Variants in OTOG observed in about 807,000 individuals in gnomAD.
The protein encoded by OTOG is otogelin.
In OTOG, 296 loss-of-function variants were observed where a neutral mutation model predicts 313.8. The ratio of observed to expected loss-of-function variants is 0.94; its 90% CI spans 0.86 to 1.04. The LOEUF (loss-of-function observed/expected upper bound fraction) is 1.04, where lower values mean the gene tolerates loss of function less well. Ranked by LOEUF, OTOG falls within the 50% of genes least tolerant of loss-of-function variation. The pLI is 0.00. For missense variants in OTOG, 3,948 were observed against 3,840.1 expected (o/e 1.03, Z -0.74); for synonymous variants, 1,533 against 1,554.9 (o/e 0.99, Z 0.33).
Position 17,610,350 on chromosome 11 carries a change from C to T in OTOG, c.5050C>T (p.Pro1684Ser). 1 of 1,550,666 alleles carries T rather than the reference C, an allele frequency of 6.4e-7. No individual in the cohort carries two copies. ...KVISRTGVPQ[P>S]TQAQSASSPS... is the part of the protein sequence containing the mutation. ...CATAAGCAGGACAGGGGTCCCCCAG[C>T]CCACCCAGGCCCAGAGTGCTTCAAG... Residue 1684 changes from proline to serine, a missense_variant, in exon 36 of 56, where the codon CCC becomes TCC. Physicochemically the swap from Pro to Ser is moderately conservative, Grantham distance 74. Coordinates refer to ENST00000399397, the MANE Select transcript of OTOG (RefSeq NM_001292063.2).
At chr11:17,594,483 G>A (rs1157054360) in intron 28 of OTOG, among the ~76,000 whole-genome samples, 1 of 152,218 alleles carries the variant, frequency 6.6e-6, no homozygotes, top group Non-Finnish European at 1.5e-5. Flanking sequence ...CCTGGCACTA[G>A]GTCTGGCACA....
At chr11:17,587,120 G>C (rs1044879755) in intron 24 of OTOG, among the ~76,000 whole-genome samples, 1 of 152,238 alleles carries the variant, frequency 6.6e-6, no homozygotes, top group African/African-American at 2.4e-5. Context: ...TCACATGTGA[G>C]TGTAAATGTC....
At chr11:17,567,582 C>A (rs10832801) in intron 15 of OTOG, among the ~76,000 whole-genome samples, 33,473 of 152,206 alleles carry the variant, frequency 0.22, 4,310 homozygotes, top group South Asian at 0.31. Flanking sequence ...TGGGCTTAAG[C>A]GATCCTCCTG....
Position 17,634,868 on chromosome 11 carries a change from G to C in OTOG, c.7505G>C (p.Gly2502Ala). 1 of 1,549,402 alleles carries C rather than the reference G, an allele frequency of 6.5e-7. No homozygotes were observed. Residue 2502 changes from glycine (G) to alanine (A), a missense_variant, in exon 45 of 56, where the codon GGT becomes GCT. Coordinates refer to ENST00000399397, the MANE Select transcript of OTOG (RefSeq NM_001292063.2). ...GTGTGTAACCAGACTCTGTGTGAGG[G>C]TCTCGCCCCCACATGCCGCCCAGGC... ...VCVCNQTLCE[G>A]LAPTCRPGHR... is the part of the protein sequence containing the mutation.
intron 15 of OTOG, among the ~76,000 whole-genome samples, chr11:17,565,519 TTGGAAGGAAGTCACTA>T (rs1565095244): frequency 6.6e-6 from 1 of 152,204 alleles, no homozygotes; most frequent in Admixed American, 6.5e-5. Context: ...ACTGTTCTTT[TTGGAAGGAAGTCACTA>T]TGGGCAACCC....
intron 12 of OTOG, 87 bp from the exon 13 acceptor site, chr11:17,560,622 G>C: frequency 1.1e-6 from 1 of 908,930 alleles, no homozygotes; most frequent in Non-Finnish European, 1.7e-6. Flanking sequence ...TTAGATAAGG[G>C]GATCTTTATC....
At chr11:17,605,214 T>A (rs1429646027) in intron 32 of OTOG, among the ~76,000 whole-genome samples, 1 of 152,204 alleles carries the variant, frequency 6.6e-6, no homozygotes, top group African/African-American at 2.4e-5. Flanking sequence ...CCACCAGGCA[T>A]CAAGCCCCCA....
At chr11:17,579,151 C>T (rs1304967957) in intron 23 of OTOG, among the ~76,000 whole-genome samples, 3 of 152,152 alleles carry the variant, frequency 2.0e-5, no homozygotes, top group African/African-American at 7.2e-5. Context: ...CAGGTCTGGG[C>T]TGAGAAGACA....
At chr11:17,581,300 T>G (rs927913631) in intron 23 of OTOG, among the ~76,000 whole-genome samples, 3 of 152,058 alleles carry the variant, frequency 2.0e-5, no homozygotes, top group Non-Finnish European at 4.4e-5. Context: ...TCCAGCCCCA[T>G]CCAGCAGGAG....
In OTOG at chr11:17,553,431, T is replaced by C. The variant is rs1383092658; in HGVS notation, c.452T>C (p.Phe151Ser). The change falls in exon 6 of 56, where the codon TTT becomes TCT. Residue 151 changes from phenylalanine (F) to serine (S), a missense_variant. By Grantham distance (155) the Phe-to-Ser change is radical (BLOSUM62 -2). Transcript: ENST00000399397. ...RAWGQHHVETFDGLYYYLSGK... is the reference protein window; with the variant it reads ...RAWGQHHVETSDGLYYYLSGK... ...TGGGGGCAGCACCACGTGGAGACATTTGATGGGCTCTACTACTACCTCTCC... is the reference window on the plus strand; with the variant it reads ...TGGGGGCAGCACCACGTGGAGACATCTGATGGGCTCTACTACTACCTCTCC... The C allele has an allele frequency of 6.8e-7, 1 of 1,475,390 alleles. No individual in the cohort carries two copies. 91.4% of individuals were successfully genotyped at this position (1,475,390 alleles called of 1,614,324 possible). A position where few individuals can be genotyped will look rare whatever the true frequency, so the allele number is the denominator to read the frequency against.
Position 17,578,503 on chromosome 11 carries a change from C to T in OTOG, c.2736C>T (p.Leu912=), listed in dbSNP as rs190031749. ...NLSVSARGPC[L]SGCACPQGLL... is the part of the protein sequence containing the mutation. Reference sequence around the variant, plus strand: ...GCGTGTCAGCCCGTGGCCCCTGCCTCTCGGGCTGCGCCTGTCCCCAGGGGT... The same window carrying T: ...GCGTGTCAGCCCGTGGCCCCTGCCTTTCGGGCTGCGCCTGTCCCCAGGGGT... The change falls in exon 23 of 56, where the codon CTC becomes CTT. Residue 912 remains leucine (L), a synonymous_variant. Coordinates refer to ENST00000399397, the MANE Select transcript of OTOG (RefSeq NM_001292063.2). The T allele has an allele frequency of 6.9e-5, 106 of 1,538,210 alleles. No individual in the cohort carries two copies. Among genetic ancestry groups the T allele is most frequent in the Non-Finnish European group, 2.3e-5 (26 of 1,146,486 alleles).
chr11:17,547,395 T>C lies in OTOG; in HGVS notation c.23T>C (p.Leu8Pro). 8 of 1,420,742 alleles carry C rather than the reference T, an allele frequency of 5.6e-6. No individual in the cohort carries two copies. Among genetic ancestry groups the C allele is most frequent in the Non-Finnish European group, 7.3e-6 (8 of 1,093,510 alleles). 88.0% of individuals were successfully genotyped at this position (1,420,742 alleles called of 1,614,324 possible). MGVLASA[L>P]CWLLCVWLPW... is the part of the protein sequence containing the mutation. ...CCTATGGGAGTCCTGGCGTCTGCGCTCTGCTGGCTGCTTTGTGTCTGGCTG... is the reference window on the plus strand; with the variant it reads ...CCTATGGGAGTCCTGGCGTCTGCGCCCTGCTGGCTGCTTTGTGTCTGGCTG... Residue 8 changes from leucine (L) to proline (P), a missense_variant, in exon 1 of 56, where the codon CTC becomes CCC. By Grantham distance (98) the Leu-to-Pro change is moderately conservative. Coordinates refer to ENST00000399397, the MANE Select transcript of OTOG (RefSeq NM_001292063.2).
At chr11:17,603,068 C>A (rs1162754144) in intron 32 of OTOG, among the ~76,000 whole-genome samples, 1 of 152,130 alleles carries the variant, frequency 6.6e-6, no homozygotes, top group Non-Finnish European at 1.5e-5. Flanking sequence ...AATGGGGAGC[C>A]ATGGAAGGGC....
At chr11:17,633,028 A>C (rs1854167491) in intron 42 of OTOG, among the ~76,000 whole-genome samples, 4 of 152,240 alleles carry the variant, frequency 2.6e-5, no homozygotes, top group Admixed American at 2.6e-4. Flanking sequence ...ATTTTGTAAA[A>C]GAGATTTTTT....
At position 17,602,379 on chromosome 11, in the gene OTOG, T is replaced by C. The variant is rs1853277204; in HGVS notation, c.3877+2T>C. 1.3e-6 allele frequency: 2 copies of C among 1,549,210 alleles called. No homozygotes were observed. Among genetic ancestry groups the C allele is most frequent in the African/African-American group, 2.7e-5 (2 of 73,006 alleles). ...CTCTGTACAAGGCCAAGGCCCATGG[T>C]AAGGCCCATCCCAGTCCCACTCCAG... On this transcript the variant is annotated splice_donor_variant, in intron 32 of 55. Transcript: ENST00000399397. LOFTEE classifies it high-confidence loss of function.
chr11:17,594,234 C>T (rs1048886312), intron 28 of OTOG, 68 bp downstream of exon 28: 17 of 1,538,852 alleles, frequency 1.1e-5, no homozygotes, highest in Non-Finnish European at 1.5e-5. Context: ...CTGAACCCGG[C>T]CCAAGGTCAG....
chr11:17,554,405 G>A (rs776645578), intron 6 of OTOG, among the ~76,000 whole-genome samples: 4 of 152,330 alleles, frequency 2.6e-5, no homozygotes, highest in Middle Eastern at 3.4e-3. Context: ...ATAGGAACAC[G>A]TGTGAAAGCC....
At chr11:17,634,462 G>A (rs1854210703) in intron 44 of OTOG, among the ~76,000 whole-genome samples, 181 bp downstream of exon 44, 1 of 152,090 alleles carries the variant, frequency 6.6e-6, no homozygotes, top group South Asian at 2.1e-4. Flanking sequence ...AGGAGTCAGT[G>A]CAGGGAGTGC....
At chr11:17,623,991 G>A (rs565279867) in intron 39 of OTOG, among the ~76,000 whole-genome samples, 1 of 152,148 alleles carries the variant, frequency 6.6e-6, no homozygotes, top group South Asian at 2.1e-4. Context: ...TTTTAATGGG[G>A]TAGTTTGTTT....
Sources: gnomAD v4.1 joint callset for allele counts (sites outside exome capture counted in the v4.1 genomes callset) on GRCh38, gnomAD v4.1.1 for gene constraint, MANE v1.5 for transcripts, NCBI Gene and HGNC (gene_info 2026-07-23, HGNC 2026-07-21) for gene names.